The following KCNIP3 variants were observed in gnomAD, a reference collection of about 807,000 sequenced individuals.
The protein encoded by KCNIP3 is calsenilin.
In KCNIP3, 28 loss-of-function variants were observed where a neutral mutation model predicts 35.0. That is an observed-to-expected ratio of 0.80 (90% CI 0.59 to 1.10). The LOEUF (loss-of-function observed/expected upper bound fraction) is 1.10, where lower values mean the gene tolerates loss of function less well. Among genes scored for constraint, KCNIP3 ranks in the 50% least tolerant of loss-of-function variants. The probability of loss-of-function intolerance (pLI) is 0.00; values close to 1 mark genes in which losing one functional copy is unlikely to be tolerated. For missense variants in KCNIP3, 295 were observed against 338.4 expected (o/e 0.87, Z 1.01); for synonymous variants, 134 against 133.8 (o/e 1.00, Z -0.01).
chr2:95,374,759 G>T (rs1165287142), intron 3 of KCNIP3, 89 bp from the exon 4 acceptor site: 10 of 1,458,016 alleles, frequency 6.9e-6, no homozygotes, highest in Middle Eastern at 1.8e-4. Flanking sequence ...AGCCCCCAAG[G>T]GGGTGGAGAG....
At chr2:95,326,284 TACAC>T (rs1284719080) in intron 2 of KCNIP3, among the ~76,000 whole-genome samples, 7 of 151,128 alleles carry the variant, frequency 4.6e-5, no homozygotes, top group East Asian at 1.9e-4. Flanking sequence ...TCACTACACA[TACAC>T]ACTCATTACA....
At chr2:95,361,955 G>A (rs950537586) in intron 2 of KCNIP3, among the ~76,000 whole-genome samples, 6 of 152,176 alleles carry the variant, frequency 3.9e-5, no homozygotes, top group Non-Finnish European at 8.8e-5. Context: ...CCCAGCTCTG[G>A]AAAGAAAGTC....
chr2:95,316,307 C>A (rs1359772596), intron 2 of KCNIP3, among the ~76,000 whole-genome samples: 1 of 152,208 alleles, frequency 6.6e-6, no homozygotes, highest in Admixed American at 6.5e-5. Flanking sequence ...GGAGGCCCGC[C>A]GGGCACCGCA....
chr2:95,326,061 A>C (rs1678767926), intron 2 of KCNIP3, among the ~76,000 whole-genome samples: 1 of 150,940 alleles, frequency 6.6e-6, no homozygotes, highest in African/African-American at 2.5e-5. Flanking sequence ...ACACACATAC[A>C]CATTCACTCA....
At chr2:95,373,094 A>G (rs989560922) in intron 2 of KCNIP3, among the ~76,000 whole-genome samples, 11 of 152,196 alleles carry the variant, frequency 7.2e-5, no homozygotes, top group African/African-American at 2.4e-4. Flanking sequence ...AGCCAGCACC[A>G]GAGTACCAGC....
In KCNIP3 at chr2:95,384,169, TACACACACAC is replaced by T. The variant is rs58903840; in HGVS notation, c.*148_*157del. The T allele has an allele frequency of 6.0e-5, 31 of 513,302 alleles. No homozygotes were observed. The highest frequency in any genetic ancestry group is 2.0e-4 in the African/African-American group (10 of 50,580). The allele number at this position is 513,302 out of a possible 1,614,324, so 31.8% of individuals were successfully genotyped here. On this transcript the variant is annotated 3_prime_UTR_variant, in exon 9 of 9. Transcript: ENST00000295225. ...GATTTGCAAAAAGTGAACAGATTGC[TACACACACAC>T]ACACACACACACACACACACACACA...
intron 2 of KCNIP3, among the ~76,000 whole-genome samples, chr2:95,358,224 A>G (rs1251118014): frequency 6.6e-6 from 1 of 152,192 alleles, no homozygotes; most frequent in South Asian, 2.1e-4. Flanking sequence ...GGTGCAGCTC[A>G]GAGAGGTTTC....
At chr2:95,307,361 A>G (rs1558757911) in intron 1 of KCNIP3, among the ~76,000 whole-genome samples, 1 of 152,230 alleles carries the variant, frequency 6.6e-6, no homozygotes, top group Non-Finnish European at 1.5e-5. Context: ...CCAGGCCGAG[A>G]AACAGCCTCA....
At chr2:95,375,346 G>A in intron 5 of KCNIP3, 138 bp downstream of exon 5, 2 of 776,142 alleles carry the variant, frequency 2.6e-6, no homozygotes. Context: ...CCCTGGGAAT[G>A]AGTGGATGTG....
intron 2 of KCNIP3, among the ~76,000 whole-genome samples, chr2:95,360,190 C>CAAA (rs35137501): frequency 5.8e-5 from 5 of 85,542 alleles, no homozygotes; most frequent in Admixed American, 1.1e-4. Context: ...GACTCCGTCT[C>CAAA]AAAAAAAAAA....
At chr2:95,302,102 C>A (rs1463592044) in intron 1 of KCNIP3, among the ~76,000 whole-genome samples, 4 of 152,120 alleles carry the variant, frequency 2.6e-5, no homozygotes, top group Non-Finnish European at 5.9e-5. Context: ...CTGCTTCCTG[C>A]CATCTGTCCC....
intron 2 of KCNIP3, chr2:95,311,710 C>G (rs1469583824): frequency 6.6e-6 from 1 of 152,420 alleles, no homozygotes; most frequent in Non-Finnish European, 1.5e-5. Flanking sequence ...CGATTCCAGC[C>G]CCCTCCCTTT....
chr2:95,338,192 G>T (rs1334028695), intron 2 of KCNIP3, among the ~76,000 whole-genome samples: 1 of 152,192 alleles, frequency 6.6e-6, no homozygotes, highest in Non-Finnish European at 1.5e-5. Flanking sequence ...AGTTCAAACC[G>T]CAGCTCTGCC....
intron 2 of KCNIP3, among the ~76,000 whole-genome samples, chr2:95,323,530 C>T (rs1242753037): frequency 6.6e-6 from 1 of 151,976 alleles, no homozygotes; most frequent in African/African-American, 2.4e-5. Context: ...CAGGAGTGCT[C>T]TCTGCAGGCA....
In KCNIP3 at chr2:95,370,863, C is replaced by T. The variant is rs992044926; in HGVS notation, c.182-3433C>T. ...CAATCTCCAACCTCCTGGGCTCAAG[C>T]GATTCTCATGCCCCAGCCTCCTGAG... On this transcript the variant is annotated intron_variant, in intron 2 of 8. Coordinates refer to ENST00000295225, the MANE Select transcript of KCNIP3 (RefSeq NM_013434.5). Among the ~76,000 whole-genome samples the T allele has an allele frequency of 4.0e-5, 6 of 151,824 alleles. No individual in the cohort carries two copies. The South Asian group carries it at 8.3e-4, about 21-fold the overall frequency.
In KCNIP3 at chr2:95,384,273, T is replaced by G; in HGVS notation, c.*224T>G. ...GGGCTGAGTCTGGCTAGGGGCCGAG[T>G]CCAGGAGCCCCAGCCAGCCCTTCCC... is the stretch of plus-strand genomic sequence containing the variant. On this transcript the variant is annotated 3_prime_UTR_variant, in exon 9 of 9. Coordinates refer to ENST00000295225, the MANE Select transcript of KCNIP3 (RefSeq NM_013434.5). 1.8e-6 allele frequency: 1 copy of G among 557,748 alleles called. No individual in the cohort carries two copies. The highest frequency in any genetic ancestry group is 3.0e-5 in the Admixed American group (1 of 33,016). 34.5% of individuals were successfully genotyped at this position (557,748 alleles called of 1,614,324 possible). A position where few individuals can be genotyped will look rare whatever the true frequency, so the allele number is the denominator to read the frequency against.
chr2:95,348,049 C>T (rs1171090805), intron 2 of KCNIP3, among the ~76,000 whole-genome samples: 1 of 152,244 alleles, frequency 6.6e-6, no homozygotes, highest in Non-Finnish European at 1.5e-5. Context: ...CAAGGCTTCC[C>T]TCCATTCTAC....
At position 95,326,520 on chromosome 2, in the gene KCNIP3, C is replaced by T. The variant is rs75899941; in HGVS notation, c.181+16000C>T. Among the ~76,000 whole-genome samples the T allele has an allele frequency of 4.8e-3, 730 of 152,350 alleles. 6 individuals are homozygous for T. The highest frequency in any genetic ancestry group is 0.016 in the African/African-American group (680 of 41,570). ...GCCTACAGGACCTGTGTAACTGGACCGGCCTGCCGGCCCTGTTCTCAAATG... is the reference window on the plus strand; with the variant it reads ...GCCTACAGGACCTGTGTAACTGGACTGGCCTGCCGGCCCTGTTCTCAAATG... On this transcript the variant is annotated intron_variant, in intron 2 of 8. Coordinates refer to ENST00000295225, the MANE Select transcript of KCNIP3 (RefSeq NM_013434.5).
chr2:95,383,312 C>G lies in KCNIP3; in HGVS notation c.723+18C>G. ...GTCAGAAGGTAGGTGGCACGGGAGG[C>G]TGGGCCACAGTTCTCTGCAGGCTCT... On this transcript the variant is annotated intron_variant, in intron 8 of 8. Transcript: ENST00000295225. 6.2e-7 allele frequency: 1 copy of G among 1,611,956 alleles called. No individual in the cohort carries two copies. The highest frequency in any genetic ancestry group is 8.5e-7 in the Non-Finnish European group (1 of 1,178,960).
Sources: allele counts gnomAD v4.1 joint callset (sites outside exome capture counted in the v4.1 genomes callset), GRCh38; gene constraint gnomAD v4.1.1; transcripts MANE v1.5; gene names NCBI Gene and HGNC (gene_info 2026-07-23, HGNC 2026-07-21).